The following CSTPP1 variants were observed in gnomAD, a reference collection of about 807,000 sequenced individuals.
CSTPP1 encodes UPF0705 protein C11orf49.
the CSTPP1 span, among the ~76,000 whole-genome samples, chr11:47,121,660 A>G: frequency 1.3e-5 from 2 of 152,180 alleles, no homozygotes; most frequent in African/African-American, 4.8e-5. Context: ...CAAGTGAGGT[A>G]GTCTGGCAAA....
the CSTPP1 span, among the ~76,000 whole-genome samples, chr11:46,955,995 C>G: frequency 2.5e-4 from 38 of 149,594 alleles, no homozygotes; most frequent in East Asian, 4.4e-3. Flanking sequence ...CACCCCCCCC[C>G]CCCCACCAAA....
chr11:47,067,937 A>G, the CSTPP1 span, among the ~76,000 whole-genome samples: 1 of 152,170 alleles, frequency 6.6e-6, no homozygotes, highest in Non-Finnish European at 1.5e-5. Flanking sequence ...TGCGTTATCA[A>G]ATTGAGCCAT....
At chr11:47,102,534 TATAG>T in the CSTPP1 span, among the ~76,000 whole-genome samples, 1 of 151,592 alleles carries the variant, frequency 6.6e-6, no homozygotes, top group Non-Finnish European at 1.5e-5. Context: ...TTAAAAAATA[TATAG>T]ATAGATAATA....
At chr11:47,161,227 G>C in the CSTPP1 span, 1 of 1,614,082 alleles carries the variant, frequency 6.2e-7, no homozygotes. Flanking sequence ...CCCCTTGTGG[G>C]GGCCAGACGG....
chr11:47,039,284 C>T, the CSTPP1 span, among the ~76,000 whole-genome samples: 1 of 127,900 alleles, frequency 7.8e-6, no homozygotes, highest in African/African-American at 2.5e-5. Context: ...GCGGATCACT[C>T]GCGGTTAGGA....
chr11:46,997,124 C>A, the CSTPP1 span, among the ~76,000 whole-genome samples: 2 of 152,178 alleles, frequency 1.3e-5, no homozygotes, highest in Non-Finnish European at 1.5e-5. Flanking sequence ...TGGGGAAGTT[C>A]TCCTGGATAA....
the CSTPP1 span, among the ~76,000 whole-genome samples, chr11:46,938,239 C>T: frequency 6.6e-6 from 1 of 151,582 alleles, no homozygotes; most frequent in Non-Finnish European, 1.5e-5. Context: ...CTTGGGTCTC[C>T]CTCACTCACA....
At chr11:47,086,236 A>AAAAATAC in the CSTPP1 span, among the ~76,000 whole-genome samples, 1 of 130,934 alleles carries the variant, frequency 7.6e-6, no homozygotes, top group South Asian at 2.3e-4. Context: ...TAAAAATCCA[A>AAAAATAC]AAAAAAAAAA....
At chr11:47,000,507 G>A in the CSTPP1 span, among the ~76,000 whole-genome samples, 12 of 152,168 alleles carry the variant, frequency 7.9e-5, no homozygotes, top group African/African-American at 2.2e-4. Context: ...TCTTGTTTTC[G>A]TTTTTTAAAG....
chr11:46,938,018 G>A, the CSTPP1 span, among the ~76,000 whole-genome samples: 1 of 151,962 alleles, frequency 6.6e-6, no homozygotes, highest in East Asian at 1.9e-4. Context: ...GAGATTACAG[G>A]CATGCGCCAC....
the CSTPP1 span, among the ~76,000 whole-genome samples, chr11:47,050,963 A>G: frequency 6.6e-6 from 1 of 152,224 alleles, no homozygotes; most frequent in Admixed American, 6.5e-5. Context: ...TGTTACTATT[A>G]GGAAGGAACT....
chr11:46,941,255 G>A, the CSTPP1 span, among the ~76,000 whole-genome samples: 3 of 152,144 alleles, frequency 2.0e-5, no homozygotes, highest in East Asian at 1.9e-4. Context: ...GCTGAAATGC[G>A]TTTGTCTTTA....
At chr11:47,024,159 A>C in the CSTPP1 span, among the ~76,000 whole-genome samples, 2 of 151,884 alleles carry the variant, frequency 1.3e-5, no homozygotes, top group Admixed American at 1.3e-4. Context: ...TCTTGGGCTC[A>C]AGAGATCCTC....
the CSTPP1 span, among the ~76,000 whole-genome samples, chr11:46,981,554 G>A: frequency 6.6e-6 from 1 of 152,112 alleles, no homozygotes; most frequent in East Asian, 1.9e-4. Context: ...TATTAACAGG[G>A]AAGAGCCAGC....
the CSTPP1 span, among the ~76,000 whole-genome samples, chr11:46,964,608 G>C: frequency 6.6e-6 from 1 of 151,910 alleles, no homozygotes; most frequent in African/African-American, 2.4e-5. Context: ...CTTATCTCTG[G>C]GCCTTAATAC....
chr11:47,093,090 T>C, the CSTPP1 span, among the ~76,000 whole-genome samples: 1 of 152,240 alleles, frequency 6.6e-6, no homozygotes, highest in Admixed American at 6.5e-5. Context: ...GTTGTTTGTG[T>C]GTAACTCTTA....
At chr11:47,041,406 G>C in the CSTPP1 span, 1 of 255,134 alleles carries the variant, frequency 3.9e-6, no homozygotes, top group African/African-American at 2.2e-5. Context: ...GTCTACTTCA[G>C]CATGGAGGAC....
At chr11:47,109,451 T>TG in the CSTPP1 span, 2 of 152,210 alleles carry the variant, frequency 1.3e-5, no homozygotes, top group Non-Finnish European at 2.9e-5. Context: ...ATTGGCTCAC[T>TG]GAACCACTCA....
chr11:46,949,327 G>A, the CSTPP1 span, among the ~76,000 whole-genome samples: 1 of 152,166 alleles, frequency 6.6e-6, no homozygotes, highest in Admixed American at 6.5e-5. Context: ...AAACATGATT[G>A]TCTTCTAAAG....
Sources: allele counts gnomAD v4.1 joint callset (sites outside exome capture counted in the v4.1 genomes callset), GRCh38; gene constraint gnomAD v4.1.1; transcripts MANE v1.5; gene names NCBI Gene and HGNC (gene_info 2026-07-23, HGNC 2026-07-21).